The following PPP2R5A variants were observed in gnomAD, a reference collection of about 807,000 sequenced individuals.
The protein encoded by PPP2R5A is serine/threonine-protein phosphatase 2A 56 kDa regulatory subunit alpha isoform.
In PPP2R5A, 25 loss-of-function variants were observed where a neutral mutation model predicts 64.2. That is an observed-to-expected ratio of 0.39 (90% confidence interval 0.28 to 0.54). The LOEUF (loss-of-function observed/expected upper bound fraction) is 0.54. Ranked by LOEUF, PPP2R5A falls within the 20% of genes least tolerant of loss-of-function variation. The pLI, the probability that PPP2R5A is intolerant of heterozygous loss-of-function variation, is 0.67. For synonymous variants in PPP2R5A, 198 were observed against 201.2 expected (o/e 0.98, Z 0.13); for missense variants, 425 against 576.3 (o/e 0.74, Z 2.69).
Position 212,349,176 on chromosome 1 carries a change from C to A in PPP2R5A, c.874-13C>A. ...ATCTCACTAATATTTATAAACTGTC[C>A]CTTACCTTTTAGCTAGCATATTGTG... On this transcript the variant is annotated splice_polypyrimidine_tract_variant and intron_variant, in intron 7 of 12. Transcript: ENST00000261461. 1 of 1,509,002 alleles carries A rather than the reference C, an allele frequency of 6.6e-7. No homozygotes were observed. The highest frequency in any genetic ancestry group is 1.3e-5 in the South Asian group (1 of 78,220). 93.5% of individuals were successfully genotyped at this position (1,509,002 alleles called of 1,614,324 possible).
chr1:212,356,553 A>G, intron 8 of PPP2R5A, 73 bp from the exon 9 acceptor site: 1 of 1,379,556 alleles, frequency 7.2e-7, no homozygotes, highest in Non-Finnish European at 1.0e-6. Flanking sequence ...TGATATAATC[A>G]CAGCTATGGA....
intron 1 of PPP2R5A, chr1:212,319,613 C>CTTTTTT (rs200765692): frequency 2.7e-5 from 3 of 110,726 alleles, no homozygotes; most frequent in African/African-American, 1.1e-4. Context: ...TTTTTGTTTT[C>CTTTTTT]TTTTCTTTTT....
intron 3 of PPP2R5A, among the ~76,000 whole-genome samples, chr1:212,340,265 A>G (rs987482997): frequency 1.3e-4 from 20 of 152,282 alleles, no homozygotes; most frequent in African/African-American, 4.6e-4. Flanking sequence ...CTCAAGTTGC[A>G]TATCCTCCTT....
chr1:212,301,200 G>A (rs905946399), intron 1 of PPP2R5A, among the ~76,000 whole-genome samples: 3 of 152,228 alleles, frequency 2.0e-5, no homozygotes, highest in South Asian at 2.1e-4. Flanking sequence ...TAGTAGAGAC[G>A]GGGTTTCGCC....
chr1:212,305,444 C>G (rs1184960666), intron 1 of PPP2R5A, among the ~76,000 whole-genome samples: 2 of 152,090 alleles, frequency 1.3e-5, no homozygotes, highest in East Asian at 3.9e-4. Flanking sequence ...GGTATGTGGT[C>G]TGGTCTTTCC....
At chr1:212,304,819 A>G (rs1243674616) in intron 1 of PPP2R5A, among the ~76,000 whole-genome samples, 1 of 129,336 alleles carries the variant, frequency 7.7e-6, no homozygotes, top group Non-Finnish European at 1.6e-5. Flanking sequence ...TGCAACCCCC[A>G]CCTCACAGGT....
intron 3 of PPP2R5A, among the ~76,000 whole-genome samples, chr1:212,339,645 G>A (rs1484797652): frequency 6.6e-6 from 1 of 152,096 alleles, no homozygotes; most frequent in Non-Finnish European, 1.5e-5. Context: ...TTTGTGAATG[G>A]CACAGGTTTC....
At chr1:212,295,111 T>C (rs556079321) in intron 1 of PPP2R5A, among the ~76,000 whole-genome samples, 1 of 152,280 alleles carries the variant, frequency 6.6e-6, no homozygotes, top group African/African-American at 2.4e-5. Context: ...TGTTGAAGAA[T>C]GGATGTAGGC....
At chr1:212,346,948 G>A (rs1055639201) in intron 5 of PPP2R5A, among the ~76,000 whole-genome samples, 3 of 152,134 alleles carry the variant, frequency 2.0e-5, no homozygotes, top group African/African-American at 4.8e-5. Context: ...TATAGTTAGA[G>A]GTGTAAAGAA....
chr1:212,356,493 C>T, intron 8 of PPP2R5A, 133 bp from the exon 9 acceptor site: 3 of 786,942 alleles, frequency 3.8e-6, no homozygotes, highest in Non-Finnish European at 5.7e-6. Context: ...AGCAGAAAGT[C>T]TATTTATACA....
chr1:212,312,800 T>C (rs1659063068), intron 1 of PPP2R5A, among the ~76,000 whole-genome samples: 1 of 152,156 alleles, frequency 6.6e-6, no homozygotes, highest in Admixed American at 6.5e-5. Flanking sequence ...ATATCCCTTA[T>C]GAACATAGAT....
chr1:212,356,800 G>A, intron 9 of PPP2R5A, 124 bp downstream of exon 9: 1 of 1,299,712 alleles, frequency 7.7e-7, no homozygotes. Flanking sequence ...ACACAGACTT[G>A]GTAGAAGACC....
In PPP2R5A at chr1:212,331,653, C is replaced by A. The variant is rs559836616; in HGVS notation, c.379-1844C>A. The stretch of plus-strand genomic sequence containing the variant: ...GAAAAAGCAGTATTTCCTACTGTTA[C>A]TGATTTCAAATGGCTTATATTCAGG... On this transcript the variant is annotated intron_variant, in intron 2 of 12. Transcript: ENST00000261461. 7 of 152,158 alleles carry A rather than the reference C, an allele frequency of 4.6e-5. No homozygotes were observed. In the East Asian group the frequency reaches 1.3e-3, roughly 29 times the overall value. 9.4% of individuals were successfully genotyped at this position (152,158 alleles called of 1,614,324 possible).
At chr1:212,305,123 G>A (rs946022790) in intron 1 of PPP2R5A, among the ~76,000 whole-genome samples, 1 of 142,314 alleles carries the variant, frequency 7.0e-6, no homozygotes, top group Admixed American at 7.3e-5. Flanking sequence ...TGCAAGCTCC[G>A]CCTCCCGGGT....
chr1:212,341,343 G>A (rs1450126744), intron 3 of PPP2R5A, among the ~76,000 whole-genome samples: 1 of 152,114 alleles, frequency 6.6e-6, no homozygotes, highest in African/African-American at 2.4e-5. Flanking sequence ...TCTCAAGTGT[G>A]GATAGGATAT....
chr1:212,341,451 T>G (rs1049702445), intron 3 of PPP2R5A, among the ~76,000 whole-genome samples: 7 of 152,352 alleles, frequency 4.6e-5, no homozygotes, highest in Non-Finnish European at 1.0e-4. Flanking sequence ...ATACACTGCC[T>G]GTTTTATCTG....
chr1:212,335,926 A>G (rs569056840), intron 3 of PPP2R5A, among the ~76,000 whole-genome samples: 79 of 152,306 alleles, frequency 5.2e-4, no homozygotes, highest in African/African-American at 1.9e-3. Context: ...AAAAGTAAAG[A>G]AAGTGTTTTC....
At chr1:212,321,060 G>T (rs1354202532) in intron 1 of PPP2R5A, among the ~76,000 whole-genome samples, 9 of 96,426 alleles carry the variant, frequency 9.3e-5, no homozygotes, top group African/African-American at 4.0e-4. Flanking sequence ...CTGGCCGGGC[G>T]GGGGGCTGAC....
chr1:212,294,565 C>G, intron 1 of PPP2R5A, among the ~76,000 whole-genome samples: 1 of 152,162 alleles, frequency 6.6e-6, no homozygotes, highest in East Asian at 1.9e-4. Context: ...TTTCAAAAAT[C>G]TAGTACAGAA....
Sources: gnomAD v4.1 joint callset for allele counts (sites outside exome capture counted in the v4.1 genomes callset) on GRCh38, gnomAD v4.1.1 for gene constraint, MANE v1.5 for transcripts, NCBI Gene and HGNC (gene_info 2026-07-23, HGNC 2026-07-21) for gene names.